Variants in CAMK4 observed in about 807,000 individuals in gnomAD.
The protein encoded by CAMK4 is calcium/calmodulin dependent protein kinase IV.
A neutral mutation model predicts 44.9 loss-of-function variants in CAMK4; 22 were observed. The observed-to-expected ratio is 0.49, with a 90% CI of 0.35 to 0.70. The LOEUF is 0.70. Among genes scored for constraint, CAMK4 ranks in the 30% least tolerant of loss-of-function variants. The pLI is 0.01. For missense variants in CAMK4, 498 were observed against 586.8 expected, an observed-to-expected ratio of 0.85 and a Z score of 1.56; for synonymous variants, 218 against 215.4, an observed-to-expected ratio of 1.01 and a Z score of -0.11.
intron 7 of CAMK4, among the ~76,000 whole-genome samples, chr5:111,455,665 C>T (rs429219): frequency 0.68 from 102,774 of 152,098 alleles, 36,790 homozygotes; most frequent in Non-Finnish European, 0.8. Flanking sequence ...TAGGTCTCCA[C>T]AGATATATGG....
intron 1 of CAMK4, among the ~76,000 whole-genome samples, chr5:111,324,590 G>T (rs1748795990): frequency 6.6e-6 from 1 of 151,928 alleles, no homozygotes; most frequent in South Asian, 2.1e-4. Context: ...GAGAAAAATA[G>T]ATTCACAAAG....
rs1478623980 is a variant in CAMK4, at chr5:111,488,133, G to A, written c.*3667G>A. 1.3e-5 allele frequency: 2 copies of A among 152,170 alleles called. No individual in the cohort carries two copies. The highest frequency in any genetic ancestry group is 2.9e-5 in the Non-Finnish European group (2 of 68,010). The allele number at this position is 152,170 out of a possible 1,614,324, so 9.4% of individuals were successfully genotyped here. On this transcript the variant is annotated 3_prime_UTR_variant, in exon 11 of 11. Coordinates refer to ENST00000282356, the MANE Select transcript of CAMK4 (RefSeq NM_001744.6). Reference sequence around the variant, plus strand: ...CTTCATTCAGGAAGAACTGCACATAGAATCTGATTTTGAGGCCTGGATTAA... The same window carrying A: ...CTTCATTCAGGAAGAACTGCACATAAAATCTGATTTTGAGGCCTGGATTAA...
At chr5:111,267,872 G>A (rs1046985230) in intron 1 of CAMK4, among the ~76,000 whole-genome samples, 1 of 152,186 alleles carries the variant, frequency 6.6e-6, no homozygotes, top group African/African-American at 2.4e-5. Context: ...TGAACATATA[G>A]TGTGCATAGT....
chr5:111,419,078 A>G (rs1419771720), intron 5 of CAMK4, among the ~76,000 whole-genome samples: 2 of 152,030 alleles, frequency 1.3e-5, no homozygotes. Flanking sequence ...AAATGTTCCT[A>G]TTTCTCCACA....
chr5:111,474,020 G>A (rs966099729), intron 8 of CAMK4, among the ~76,000 whole-genome samples: 2 of 152,146 alleles, frequency 1.3e-5, no homozygotes, highest in Non-Finnish European at 2.9e-5. Context: ...AAGACATGGT[G>A]GAACTGCAGG....
rs1446022135 is a variant in CAMK4 at position 111,494,763 on chromosome 5, G to C, written c.*10297G>C. 1 of 152,102 alleles carries C rather than the reference G, an allele frequency of 6.6e-6. No individual in the cohort carries two copies. Among genetic ancestry groups the C allele is most frequent in the Non-Finnish European group, 1.5e-5 (1 of 68,016 alleles). 9.4% of individuals were successfully genotyped at this position (152,102 alleles called of 1,614,324 possible). On this transcript the variant is annotated 3_prime_UTR_variant, in exon 11 of 11. Coordinates refer to ENST00000282356, the MANE Select transcript of CAMK4 (RefSeq NM_001744.6). ...TTTGACCTGAGGGCCAATGTTACTT[G>C]GTGTAAGTTCACTCAGACAGACATG...
intron 8 of CAMK4, among the ~76,000 whole-genome samples, chr5:111,477,218 G>A (rs31622): frequency 6.6e-6 from 1 of 152,108 alleles, no homozygotes; most frequent in Non-Finnish European, 1.5e-5. Context: ...TTGGCCCAGG[G>A]GTCTGCACTG....
intron 1 of CAMK4, among the ~76,000 whole-genome samples, chr5:111,269,025 T>C (rs1407158482): frequency 6.6e-6 from 1 of 152,198 alleles, no homozygotes; most frequent in Non-Finnish European, 1.5e-5. Context: ...GATATATGAC[T>C]AGAAGGAATA....
At chr5:111,414,203 C>T (rs1280706856) in intron 5 of CAMK4, among the ~76,000 whole-genome samples, 2 of 152,178 alleles carry the variant, frequency 1.3e-5, no homozygotes, top group African/African-American at 4.8e-5. Context: ...CCCCTGAAAA[C>T]CCTTTGTTAC....
intron 7 of CAMK4, among the ~76,000 whole-genome samples, chr5:111,463,156 T>G (rs1754698998): frequency 6.6e-6 from 1 of 152,156 alleles, no homozygotes; most frequent in Admixed American, 6.6e-5. Context: ...TTTTAGGAAG[T>G]GGTAGACAGA....
chr5:111,435,202 A>G (rs1753602325), intron 5 of CAMK4, among the ~76,000 whole-genome samples: 1 of 152,058 alleles, frequency 6.6e-6, no homozygotes, highest in Non-Finnish European at 1.5e-5. Flanking sequence ...TTAATTCCTC[A>G]TTCTACTTTA....
chr5:111,323,781 A>G (rs1280794113), intron 1 of CAMK4, among the ~76,000 whole-genome samples: 2 of 152,128 alleles, frequency 1.3e-5, no homozygotes, highest in Admixed American at 1.3e-4. Context: ...TTTGAAGGAA[A>G]ATAACACTAA....
At chr5:111,471,129 A>G (rs79021243) in intron 7 of CAMK4, among the ~76,000 whole-genome samples, 40 of 152,326 alleles carry the variant, frequency 2.6e-4, no homozygotes, top group African/African-American at 9.4e-4. Context: ...CAGGATTTCA[A>G]TCCCACTTGT....
chr5:111,271,661 C>T (rs548119840), intron 1 of CAMK4, among the ~76,000 whole-genome samples: 48 of 152,292 alleles, frequency 3.2e-4, no homozygotes, highest in African/African-American at 1.1e-3. Context: ...TATTACTATG[C>T]AAGTAAATTC....
At chr5:111,463,736 AT>A (rs1754722040) in intron 7 of CAMK4, among the ~76,000 whole-genome samples, 1 of 152,208 alleles carries the variant, frequency 6.6e-6, no homozygotes, top group African/African-American at 2.4e-5. Context: ...GATCCAGAAG[AT>A]TAATAACAAG....
intron 5 of CAMK4, among the ~76,000 whole-genome samples, chr5:111,404,592 G>A (rs1489762123): frequency 1.3e-5 from 2 of 152,166 alleles, no homozygotes; most frequent in Non-Finnish European, 2.9e-5. Context: ...CATGGCCTTA[G>A]GTCCTGTTTA....
intron 1 of CAMK4, among the ~76,000 whole-genome samples, chr5:111,280,805 C>T (rs556578469): frequency 3.3e-5 from 5 of 152,258 alleles, no homozygotes; most frequent in Admixed American, 3.3e-4. Flanking sequence ...TCACTGTGGA[C>T]CTCTGAGAAT....
chr5:111,260,640 C>T (rs1259058467), intron 1 of CAMK4, among the ~76,000 whole-genome samples: 1 of 152,170 alleles, frequency 6.6e-6, no homozygotes, highest in African/African-American at 2.4e-5. Context: ...TGCCTCTCTT[C>T]CTGTCTTTTC....
At position 111,423,336 on chromosome 5, in the gene CAMK4, A is replaced by T. The variant is rs115347230; in HGVS notation, c.460-23350A>T. On this transcript the variant is annotated intron_variant, in intron 5 of 10. Transcript: ENST00000282356. The stretch of plus-strand genomic sequence containing the variant: ...GAAATCTAATTTTATAGAACTTGAC[A>T]TGATAGATACAGGGGAAAATCTAAG... Among the ~76,000 whole-genome samples the T allele has an allele frequency of 7.7e-3, 1,180 of 152,360 alleles. 23 individuals are homozygous for T. The highest frequency in any genetic ancestry group is 0.027 in the African/African-American group (1,114 of 41,582).
Sources: gnomAD v4.1 joint callset for allele counts (sites outside exome capture counted in the v4.1 genomes callset) on GRCh38, gnomAD v4.1.1 for gene constraint, MANE v1.5 for transcripts, NCBI Gene and HGNC (gene_info 2026-07-23, HGNC 2026-07-21) for gene names.